Variants in CELF2 observed in about 807,000 individuals in gnomAD.
CELF2 encodes the protein CUGBP Elav-like family member 2, also known as CUG triplet repeat RNA-binding protein 2.
CELF2 carries 8 observed loss-of-function variants against 62.6 expected under a neutral mutation model. The ratio of observed to expected loss-of-function variants is 0.13; its 90% CI spans 0.07 to 0.23. CELF2 has a LOEUF of 0.23. Ranked by LOEUF, CELF2 falls within the 10% of genes least tolerant of loss-of-function variation. The probability of loss-of-function intolerance (pLI) is 1.00; values close to 1 mark genes in which losing one functional copy is unlikely to be tolerated. For missense variants in CELF2, 333 were observed against 671.0 expected (o/e 0.50, Z 5.56); for synonymous variants, 258 against 250.0 (o/e 1.03, Z -0.30).
chr10:10,554,009 G>A, the CELF2 span, among the ~76,000 whole-genome samples: 1 of 152,196 alleles, frequency 6.6e-6, no homozygotes. Context: ...TGGGGTGAAG[G>A]ATAGACTGGA....
At chr10:11,086,759 G>C (rs774816747) in intron 1 of CELF2, among the ~76,000 whole-genome samples, 1 of 152,014 alleles carries the variant, frequency 6.6e-6, no homozygotes, top group Non-Finnish European at 1.5e-5. Flanking sequence ...TCCTAATCAC[G>C]CACATAAAGA....
chr10:10,738,502 G>A, the CELF2 span, among the ~76,000 whole-genome samples: 1 of 152,162 alleles, frequency 6.6e-6, no homozygotes, highest in East Asian at 1.9e-4. Flanking sequence ...GGTATGACAT[G>A]ACGAGAATGC....
the CELF2 span, among the ~76,000 whole-genome samples, chr10:10,730,244 A>C: frequency 6.6e-6 from 1 of 152,156 alleles, no homozygotes; most frequent in Non-Finnish European, 1.5e-5. Flanking sequence ...TGGGAGGCCA[A>C]AGTAGGTGGA....
the CELF2 span, among the ~76,000 whole-genome samples, chr10:10,756,929 G>A: frequency 6.6e-5 from 10 of 151,688 alleles, no homozygotes; most frequent in Non-Finnish European, 1.3e-4. Flanking sequence ...AGATCATGAG[G>A]TCAGGAGTTC....
chr10:10,859,791 A>G (rs1368566657), intron 1 of CELF2, among the ~76,000 whole-genome samples: 1 of 152,186 alleles, frequency 6.6e-6, no homozygotes, highest in East Asian at 1.9e-4. Flanking sequence ...TTTTCAGTGT[A>G]CCTAGGAACA....
At chr10:10,578,077 T>C in the CELF2 span, among the ~76,000 whole-genome samples, 1 of 152,226 alleles carries the variant, frequency 6.6e-6, no homozygotes, top group Non-Finnish European at 1.5e-5. Flanking sequence ...TGGTATCTCA[T>C]TGTGGTTTTG....
intron 2 of CELF2, among the ~76,000 whole-genome samples, chr10:10,969,861 T>C (rs1304145262): frequency 3.3e-5 from 5 of 152,110 alleles, no homozygotes; most frequent in Non-Finnish European, 7.4e-5. Flanking sequence ...CTATAGGAAG[T>C]TGGGTGGTGC....
At chr10:10,763,747 C>G in the CELF2 span, among the ~76,000 whole-genome samples, 2 of 152,114 alleles carry the variant, frequency 1.3e-5, no homozygotes, top group Admixed American at 1.3e-4. Flanking sequence ...AAGAGAATGT[C>G]AGAACATGGA....
chr10:10,915,807 G>A (rs2064277036), intron 1 of CELF2, among the ~76,000 whole-genome samples: 1 of 152,126 alleles, frequency 6.6e-6, no homozygotes, highest in African/African-American at 2.4e-5. Context: ...TTCTTTTACT[G>A]GAATGTAAAC....
chr10:10,762,104 T>G, the CELF2 span, among the ~76,000 whole-genome samples: 1 of 152,078 alleles, frequency 6.6e-6, no homozygotes, highest in African/African-American at 2.4e-5. Context: ...TGTTCTAAAA[T>G]TGGGAGAGAG....
At chr10:11,029,145 G>A (rs1320473004) in intron 1 of CELF2, among the ~76,000 whole-genome samples, 1 of 152,198 alleles carries the variant, frequency 6.6e-6, no homozygotes, top group Admixed American at 6.5e-5. Flanking sequence ...TTGGGGAAAT[G>A]ACCTAGACAA....
chr10:10,569,938 T>C, the CELF2 span, among the ~76,000 whole-genome samples: 1 of 152,194 alleles, frequency 6.6e-6, no homozygotes, highest in Non-Finnish European at 1.5e-5. Context: ...ATTGCCTCTG[T>C]CTTACTTCCT....
rs1030931953 is a variant in CELF2, at chr10:11,309,170, C to T, written c.977-4969C>T. On this transcript the variant is annotated intron_variant, in intron 9 of 12. Coordinates refer to ENST00000633077, the MANE Select transcript of CELF2 (RefSeq NM_001326342.2). The surrounding 1 kb of genome is among the most constrained non-coding windows in gnomAD (Gnocchi z 5.6). The stretch of plus-strand genomic sequence containing the variant: ...TCTGCTGTCTGCTTTTTCCTGTGTA[C>T]GGATTGCATGTTCTTGTTCCCTTGC... 3.3e-5 allele frequency among the ~76,000 whole-genome samples: 5 copies of T among 152,156 alleles called. No individual in the cohort carries two copies. Among genetic ancestry groups the T allele is most frequent in the East Asian group, 1.9e-4 (1 of 5,198 alleles).
the CELF2 span, among the ~76,000 whole-genome samples, chr10:10,666,841 G>A: frequency 3.2e-5 from 2 of 63,288 alleles, no homozygotes; most frequent in Non-Finnish European, 5.5e-5. Flanking sequence ...CAGCCTGGGC[G>A]ACAGAGCGAG....
chr10:11,088,220 A>C (rs2047338770), intron 1 of CELF2, among the ~76,000 whole-genome samples: 1 of 152,210 alleles, frequency 6.6e-6, no homozygotes, highest in Admixed American at 6.5e-5. Flanking sequence ...AGGAGGCACG[A>C]ATTTGTACCC....
intron 1 of CELF2, among the ~76,000 whole-genome samples, chr10:11,118,606 T>A (rs2057071400): frequency 6.6e-6 from 1 of 152,154 alleles, no homozygotes; most frequent in Non-Finnish European, 1.5e-5. Context: ...TTGCGTAAGG[T>A]CATAGCTAGT....
the CELF2 span, among the ~76,000 whole-genome samples, chr10:10,473,177 C>T: frequency 6.6e-6 from 1 of 151,944 alleles, no homozygotes; most frequent in African/African-American, 2.4e-5. Context: ...CAGGAGTAAG[C>T]TGGGCCCCTA....
intron 2 of CELF2, among the ~76,000 whole-genome samples, chr10:11,187,102 C>T (rs912075175): frequency 6.6e-6 from 1 of 152,098 alleles, no homozygotes; most frequent in Non-Finnish European, 1.5e-5. Flanking sequence ...TACTGATTTT[C>T]TGGATATTAA....
the CELF2 span, among the ~76,000 whole-genome samples, chr10:10,773,519 A>C: frequency 6.6e-6 from 1 of 152,198 alleles, no homozygotes; most frequent in Admixed American, 6.5e-5. Flanking sequence ...TGTATGGGTA[A>C]AAATAAGCCA....
Sources: gnomAD v4.1 joint callset for allele counts (sites outside exome capture counted in the v4.1 genomes callset) on GRCh38, gnomAD v4.1.1 for gene constraint, Gnocchi (gnomAD v3.1) non-coding constraint, MANE v1.5 for transcripts, NCBI Gene and HGNC (gene_info 2026-07-23, HGNC 2026-07-21) for gene names.